Variants in HIRA observed in about 807,000 individuals in gnomAD.
HIRA encodes histone cell cycle regulator.
In HIRA, 13 loss-of-function variants were observed where a neutral mutation model predicts 126.6. The observed-to-expected ratio is 0.10, with a 90% CI of 0.07 to 0.16. HIRA has a LOEUF of 0.16. Among genes scored for constraint, HIRA ranks in the 10% least tolerant of loss-of-function variants. The pLI is 1.00. For synonymous variants in HIRA, 511 were observed against 520.0 expected (o/e 0.98, Z 0.24); for missense variants, 834 against 1,314.4 (o/e 0.63, Z 5.65).
rs66479451 is a variant in HIRA, at chr22:19,418,925, AACAC to A, written c.38-8151_38-8148del. ...TCTATAATCATCTCGATAAGAAATA[AACAC>A]ACACACACACACACACACACACAAG... On this transcript the variant is annotated intron_variant, in intron 1 of 24. Transcript: ENST00000263208. Among the ~76,000 whole-genome samples the A allele has an allele frequency of 3.8e-3, 567 of 149,782 alleles. 7 individuals are homozygous for A. In the East Asian group the frequency reaches 0.041, roughly 11 times the overall value.
chr22:19,382,520 G>A (rs1050037837), intron 13 of HIRA, among the ~76,000 whole-genome samples: 1 of 152,220 alleles, frequency 6.6e-6, no homozygotes, highest in African/African-American at 2.4e-5. Context: ...GGGGACCTCA[G>A]AGCCTGCACA....
intron 5 of HIRA, among the ~76,000 whole-genome samples, chr22:19,404,711 C>T (rs1018966490): frequency 1.3e-5 from 2 of 152,140 alleles, no homozygotes; most frequent in African/African-American, 4.8e-5. Flanking sequence ...CATTTCTTCC[C>T]CTACCCCTCA....
At chr22:19,397,123 A>G (rs991309844) in intron 6 of HIRA, among the ~76,000 whole-genome samples, 176 bp from the exon 7 acceptor site, 4 of 152,208 alleles carry the variant, frequency 2.6e-5, no homozygotes, top group African/African-American at 7.2e-5. Context: ...GCAAAAGCCA[A>G]TTGAAGAAAT....
At chr22:19,387,628 A>G (rs534855246) in intron 11 of HIRA, 83 bp downstream of exon 11, 1 of 905,420 alleles carries the variant, frequency 1.1e-6, no homozygotes, top group Admixed American at 2.1e-5. Context: ...TCTCACAAGA[A>G]GAGGGTGTAG....
chr22:19,412,664 C>A (rs529825496), intron 1 of HIRA, among the ~76,000 whole-genome samples: 1 of 152,134 alleles, frequency 6.6e-6, no homozygotes, highest in Admixed American at 6.5e-5. Context: ...CACCAGAAAC[C>A]CTTACCTGCA....
At chr22:19,358,450 T>G (rs1296661545) in intron 18 of HIRA, among the ~76,000 whole-genome samples, 1 of 152,154 alleles carries the variant, frequency 6.6e-6, no homozygotes, top group African/African-American at 2.4e-5. Context: ...AGCCCTCAGC[T>G]GGGCAAGCCA....
chr22:19,347,268 A>T (rs2088697480), intron 24 of HIRA, among the ~76,000 whole-genome samples: 1 of 152,206 alleles, frequency 6.6e-6, no homozygotes, highest in Non-Finnish European at 1.5e-5. Context: ...TGTAACTACA[A>T]CCTGATAACC....
At position 19,375,729 on chromosome 22, in the gene HIRA, G is replaced by A. The variant is rs1355193422; in HGVS notation, c.1677C>T (p.Ile559=). ...SPSVLTTPSK[I]EPMKAFDSRF... Reference sequence around the variant, plus strand: ...GGGAGTCAAACGCTTTCATGGGTTCGATCTTGGACGGGGTCGTTAACACAG... The same window carrying A: ...GGGAGTCAAACGCTTTCATGGGTTCAATCTTGGACGGGGTCGTTAACACAG... Residue 559 remains isoleucine (I), a synonymous_variant, in exon 15 of 25, where the codon ATC becomes ATT. Coordinates refer to ENST00000263208, the MANE Select transcript of HIRA (RefSeq NM_003325.4). 5.0e-6 allele frequency: 8 copies of A among 1,614,150 alleles called. No homozygotes were observed. The highest frequency in any genetic ancestry group is 1.3e-5 in the African/African-American group (1 of 75,020).
intron 15 of HIRA, among the ~76,000 whole-genome samples, chr22:19,373,420 C>T (rs546731766): frequency 1.3e-5 from 2 of 152,300 alleles, no homozygotes; most frequent in African/African-American, 4.8e-5. Context: ...GCATGACAGG[C>T]TCTTTCTTCT....
intron 5 of HIRA, among the ~76,000 whole-genome samples, chr22:19,399,623 T>A (rs1876849017): frequency 6.6e-6 from 1 of 152,198 alleles, no homozygotes. Context: ...TATCTGAGCA[T>A]CCTCATAGGT....
rs150314275 is a variant in HIRA at position 19,395,846 on chromosome 22, A to G, written c.654+941T>C. 7.8e-3 allele frequency among the ~76,000 whole-genome samples: 1,184 copies of G among 152,326 alleles called. 18 individuals are homozygous for G. The highest frequency in any genetic ancestry group is 0.027 in the African/African-American group (1,129 of 41,560). ...TCCCTGTGCCCAGTTATTGCCTTCT[A>G]TACAGTAGACACTTAATAAATGTCT... On this transcript the variant is annotated intron_variant, in intron 7 of 24. Coordinates refer to ENST00000263208, the MANE Select transcript of HIRA (RefSeq NM_003325.4).
intron 15 of HIRA, among the ~76,000 whole-genome samples, chr22:19,373,845 C>G (rs2088990376): frequency 6.6e-6 from 1 of 151,766 alleles, no homozygotes; most frequent in South Asian, 2.1e-4. Context: ...GGCCTTGTCT[C>G]AAGTCGATGT....
At chr22:19,357,375 A>G (rs1224750684) in intron 18 of HIRA, among the ~76,000 whole-genome samples, 5 of 152,232 alleles carry the variant, frequency 3.3e-5, no homozygotes, top group African/African-American at 1.2e-4. Context: ...TGCCTTGCTC[A>G]TCAGATAAGG....
Position 19,377,973 on chromosome 22 carries a change from T to C in HIRA, c.1509A>G (p.Pro503=), listed in dbSNP as rs757004182. 1.2e-6 allele frequency: 2 copies of C among 1,613,822 alleles called. No individual in the cohort carries two copies. Among genetic ancestry groups the C allele is most frequent in the Non-Finnish European group, 1.7e-6 (2 of 1,179,864 alleles). ...LSSHSSPQLL[P]LDSSTPNSFG... ...AGGAGTTAGGGGTACTGGAGTCCAG[T>C]GGCAGTAGCTGTGGACTGCTATGAG... is the stretch of plus-strand genomic sequence containing the variant. The change falls in exon 14 of 25, where the codon CCA becomes CCG. Residue 503 remains proline, a synonymous_variant. Coordinates refer to ENST00000263208, the MANE Select transcript of HIRA (RefSeq NM_003325.4).
chr22:19,344,967 T>C (rs973466994), intron 24 of HIRA, among the ~76,000 whole-genome samples: 2 of 152,062 alleles, frequency 1.3e-5, no homozygotes, highest in Non-Finnish European at 2.9e-5. Flanking sequence ...AAACTAGGAA[T>C]GGAAGAAAAC....
intron 1 of HIRA, among the ~76,000 whole-genome samples, chr22:19,430,808 G>C (rs939801029): frequency 6.6e-6 from 1 of 152,210 alleles, no homozygotes; most frequent in Non-Finnish European, 1.5e-5. Flanking sequence ...GTGCTTTGGA[G>C]CCACTGCCAC....
At chr22:19,396,091 C>T (rs2089221224) in intron 7 of HIRA, among the ~76,000 whole-genome samples, 1 of 152,216 alleles carries the variant, frequency 6.6e-6, no homozygotes. Flanking sequence ...TCCATCCTCC[C>T]CAACAAGCTG....
chr22:19,343,321 G>A (rs1472644473), intron 24 of HIRA, among the ~76,000 whole-genome samples: 1 of 152,066 alleles, frequency 6.6e-6, no homozygotes, highest in Admixed American at 6.6e-5. Context: ...GGAGGCTGAG[G>A]TAGGTGGATT....
chr22:19,336,495 C>T (rs2088568531), intron 24 of HIRA, among the ~76,000 whole-genome samples: 1 of 152,256 alleles, frequency 6.6e-6, no homozygotes, highest in African/African-American at 2.4e-5. Context: ...AAAACAACAG[C>T]TAATTCCACT....
Sources: gnomAD v4.1 joint callset for allele counts (sites outside exome capture counted in the v4.1 genomes callset) on GRCh38, gnomAD v4.1.1 for gene constraint, MANE v1.5 for transcripts, NCBI Gene and HGNC (gene_info 2026-07-23, HGNC 2026-07-21) for gene names.